CFAP299: variants seen among roughly 807,000 people sequenced by gnomAD.
CFAP299 encodes the protein cilia- and flagella-associated protein 299.
In CFAP299, 21 loss-of-function variants were observed where a neutral mutation model predicts 27.0. The ratio of observed to expected loss-of-function variants is 0.78; its 90% CI spans 0.55 to 1.12. The LOEUF is 1.12. Among genes scored for constraint, CFAP299 ranks in the 50% most tolerant of loss-of-function variants. The pLI is 0.00. For synonymous variants in CFAP299, 104 were observed against 98.1 expected (o/e 1.06, Z -0.36); for missense variants, 310 against 276.6 (o/e 1.12, Z -0.86).
chr4:80,437,570 A>C (rs546558999), intron 2 of CFAP299, among the ~76,000 whole-genome samples: 1 of 152,282 alleles, frequency 6.6e-6, no homozygotes, highest in East Asian at 1.9e-4. Context: ...GAAAGCCCAA[A>C]ATTTTAATAA....
chr4:80,724,794 C>T (rs1009761434), intron 3 of CFAP299, among the ~76,000 whole-genome samples: 8 of 151,926 alleles, frequency 5.3e-5, no homozygotes, highest in Non-Finnish European at 1.2e-4. Context: ...TCTCCTTGTT[C>T]TCTGGATGTT....
chr4:80,415,325 A>T (rs1726943143), intron 2 of CFAP299, among the ~76,000 whole-genome samples: 1 of 152,312 alleles, frequency 6.6e-6, no homozygotes, highest in East Asian at 1.9e-4. Context: ...AAATAAGTCT[A>T]TATTGTAAAG....
intron 3 of CFAP299, among the ~76,000 whole-genome samples, chr4:80,607,591 AAAAAG>A (rs1737745966): frequency 1.3e-5 from 2 of 152,180 alleles, no homozygotes; most frequent in African/African-American, 4.8e-5. Flanking sequence ...AAGACAGAAA[AAAAAG>A]AGAAAACACC....
At chr4:80,898,854 T>C (rs1734743915) in intron 4 of CFAP299, among the ~76,000 whole-genome samples, 1 of 152,144 alleles carries the variant, frequency 6.6e-6, no homozygotes, top group African/African-American at 2.4e-5. Flanking sequence ...AAGCCAATAC[T>C]GAGAGTAAGC....
chr4:80,953,460 C>T (rs1737887513), intron 5 of CFAP299, among the ~76,000 whole-genome samples: 2 of 152,204 alleles, frequency 1.3e-5, no homozygotes, highest in Non-Finnish European at 2.9e-5. Context: ...AAGCCCACCA[C>T]ATATAAATTA....
intron 3 of CFAP299, among the ~76,000 whole-genome samples, chr4:80,865,364 C>G (rs1467758402): frequency 6.6e-6 from 1 of 152,006 alleles, no homozygotes; most frequent in Non-Finnish European, 1.5e-5. Flanking sequence ...TTAGGCAATC[C>G]ACAAAATATA....
chr4:80,761,438 T>G (rs1725535306), intron 3 of CFAP299, among the ~76,000 whole-genome samples: 1 of 152,078 alleles, frequency 6.6e-6, no homozygotes, highest in Non-Finnish European at 1.5e-5. Flanking sequence ...AATTATGCAT[T>G]ACTTCCTATA....
intron 2 of CFAP299, among the ~76,000 whole-genome samples, chr4:80,567,826 T>C (rs2110230282): frequency 6.6e-6 from 1 of 151,514 alleles, no homozygotes; most frequent in South Asian, 2.1e-4. Context: ...ATAATTAGAA[T>C]GATGCTTGAA....
chr4:80,328,668 A>G, the CFAP299 span, among the ~76,000 whole-genome samples: 6 of 152,208 alleles, frequency 3.9e-5, no homozygotes, highest in African/African-American at 7.2e-5. Context: ...ACTCGTGGTC[A>G]TGAATTAGTT....
intron 2 of CFAP299, among the ~76,000 whole-genome samples, chr4:80,547,439 A>T (rs1295086989): frequency 6.6e-6 from 1 of 152,202 alleles, no homozygotes; most frequent in African/African-American, 2.4e-5. Context: ...CTAGAAGAAT[A>T]CTTAGCAGAT....
At chr4:80,596,579 C>T (rs1464291111) in intron 3 of CFAP299, among the ~76,000 whole-genome samples, 2 of 151,738 alleles carry the variant, frequency 1.3e-5, no homozygotes, top group African/African-American at 4.8e-5. Flanking sequence ...TACAGTGTCT[C>T]TTTAGAAACT....
At chr4:80,432,619 G>A (rs1056511291) in intron 2 of CFAP299, among the ~76,000 whole-genome samples, 4 of 138,966 alleles carry the variant, frequency 2.9e-5, no homozygotes, top group African/African-American at 8.1e-5. Flanking sequence ...TGCAAGCTCC[G>A]CCTCCCAGGT....
At chr4:80,328,606 A>G in the CFAP299 span, among the ~76,000 whole-genome samples, 23 of 152,288 alleles carry the variant, frequency 1.5e-4, 1 homozygote, top group African/African-American at 4.8e-4. Flanking sequence ...AGACTTAAAA[A>G]AAAGAAAACA....
At chr4:80,531,393 A>G (rs895361666) in intron 2 of CFAP299, among the ~76,000 whole-genome samples, 1 of 152,226 alleles carries the variant, frequency 6.6e-6, no homozygotes, top group African/African-American at 2.4e-5. Flanking sequence ...GAAACAAAGT[A>G]CTTGTTAACT....
At chr4:80,834,525 T>C (rs1730459872) in intron 3 of CFAP299, among the ~76,000 whole-genome samples, 1 of 152,224 alleles carries the variant, frequency 6.6e-6, no homozygotes, top group African/African-American at 2.4e-5. Flanking sequence ...CTCAATTTTG[T>C]GACTAAAGGA....
intron 4 of CFAP299, among the ~76,000 whole-genome samples, chr4:80,927,689 C>G (rs1371603797): frequency 6.6e-6 from 1 of 152,086 alleles, no homozygotes; most frequent in African/African-American, 2.4e-5. Context: ...AGTCCCATGG[C>G]CCCTGTATCT....
intron 4 of CFAP299, among the ~76,000 whole-genome samples, chr4:80,893,730 A>T (rs1196407704): frequency 6.6e-6 from 1 of 151,960 alleles, no homozygotes; most frequent in Non-Finnish European, 1.5e-5. Context: ...TAGATTAAAG[A>T]TGTAGACATA....
chr4:80,349,644 G>A (rs947531796), intron 1 of CFAP299, among the ~76,000 whole-genome samples: 1 of 152,050 alleles, frequency 6.6e-6, no homozygotes, highest in African/African-American at 2.4e-5. Context: ...CTGCAACGAG[G>A]AACTCATGAT....
chr4:80,897,120 CCTT>C (rs1478392492), intron 4 of CFAP299, among the ~76,000 whole-genome samples: 2 of 152,062 alleles, frequency 1.3e-5, no homozygotes, highest in African/African-American at 4.8e-5. Context: ...GTAATCTTAA[CCTT>C]CTGGATATAT....
Sources: allele counts gnomAD v4.1 joint callset (sites outside exome capture counted in the v4.1 genomes callset), GRCh38; gene constraint gnomAD v4.1.1; transcripts MANE v1.5; gene names NCBI Gene and HGNC (gene_info 2026-07-23, HGNC 2026-07-21).